The following GABRG3 variants were observed in gnomAD, a reference collection of about 807,000 sequenced individuals.
GABRG3 encodes gamma-aminobutyric acid type A receptor subunit gamma3.
GABRG3 carries 25 observed loss-of-function variants against 48.8 expected under a neutral mutation model. The ratio of observed to expected loss-of-function variants is 0.51; its 90% CI spans 0.37 to 0.72. The LOEUF (loss-of-function observed/expected upper bound fraction) is 0.72. Ranked by LOEUF, GABRG3 falls within the 30% of genes least tolerant of loss-of-function variation. The pLI, the probability that GABRG3 is intolerant of heterozygous loss-of-function variation, is 0.00. For synonymous variants in GABRG3, 227 were observed against 217.6 expected (o/e 1.04, Z -0.38); for missense variants, 394 against 577.9 (o/e 0.68, Z 3.26).
chr15:27,106,022 A>T (rs1203830221), intron 3 of GABRG3, among the ~76,000 whole-genome samples: 4 of 152,132 alleles, frequency 2.6e-5, no homozygotes, highest in Non-Finnish European at 4.4e-5. Context: ...AATAAGCCAG[A>T]TACAGAAAGG....
chr15:27,015,005 T>C (rs1895752325), intron 2 of GABRG3, among the ~76,000 whole-genome samples: 1 of 152,260 alleles, frequency 6.6e-6, no homozygotes, highest in South Asian at 2.1e-4. Context: ...TGGACCCTTT[T>C]ATTACTGAAT....
chr15:27,366,794 G>T (rs538231972), intron 5 of GABRG3, among the ~76,000 whole-genome samples: 3 of 152,106 alleles, frequency 2.0e-5, no homozygotes, highest in Non-Finnish European at 2.9e-5. Flanking sequence ...TTTGCTATGG[G>T]TGATAATAGA....
rs1285145644 is a variant in GABRG3, at chr15:27,533,827, A to ATTTTT, written c.*946_*947insTTTTT. ...CGGAATGTGAAAGACATGTAGATAAAATTTTATTTTTATTTTATTTTTTTG... is the reference window on the plus strand; with the variant it reads ...CGGAATGTGAAAGACATGTAGATAAATTTTTATTTTATTTTTATTTTATTTTTTTG... On this transcript the variant is annotated 3_prime_UTR_variant, in exon 10 of 10. Coordinates refer to ENST00000615808, the MANE Select transcript of GABRG3 (RefSeq NM_033223.5). 5 of 152,014 alleles carry ATTTTT rather than the reference A, an allele frequency of 3.3e-5. No individual in the cohort carries two copies. The highest frequency in any genetic ancestry group is 9.7e-5 in the African/African-American group (4 of 41,388). 9.4% of individuals were successfully genotyped at this position (152,014 alleles called of 1,614,324 possible). A position where few individuals can be genotyped will look rare whatever the true frequency, so the allele number is the denominator to read the frequency against.
chr15:27,006,001 C>A (rs897658388), intron 2 of GABRG3, among the ~76,000 whole-genome samples: 1 of 152,096 alleles, frequency 6.6e-6, no homozygotes, highest in Admixed American at 6.5e-5. Context: ...CAGTTCTAGG[C>A]AAAGCTTTGA....
chr15:27,466,503 G>A (rs1889616259), intron 5 of GABRG3, among the ~76,000 whole-genome samples: 1 of 152,102 alleles, frequency 6.6e-6, no homozygotes, highest in African/African-American at 2.4e-5. Context: ...AATAAATTTG[G>A]AACAGCTTGA....
chr15:27,307,245 T>A (rs979048719), intron 3 of GABRG3, among the ~76,000 whole-genome samples: 5 of 129,474 alleles, frequency 3.9e-5, no homozygotes, highest in Non-Finnish European at 8.1e-5. Flanking sequence ...TATGTTTATA[T>A]ATAACCATGT....
chr15:27,164,586 A>G (rs1406821352), intron 3 of GABRG3, among the ~76,000 whole-genome samples: 1 of 151,916 alleles, frequency 6.6e-6, no homozygotes, highest in East Asian at 1.9e-4. Flanking sequence ...GGCTCTTTTG[A>G]TCTAGATTGG....
At chr15:27,136,778 G>T (rs1229674941) in intron 3 of GABRG3, among the ~76,000 whole-genome samples, 2 of 152,058 alleles carry the variant, frequency 1.3e-5, no homozygotes, top group African/African-American at 2.4e-5. Context: ...AACTCAAGGG[G>T]TAAGTCACAA....
chr15:27,263,849 C>A (rs989354592), intron 3 of GABRG3, among the ~76,000 whole-genome samples: 13 of 151,518 alleles, frequency 8.6e-5, no homozygotes, highest in African/African-American at 2.9e-4. Context: ...TGGCGTGAAC[C>A]TGGGAGGCGG....
chr15:27,237,817 C>A (rs1019449940), intron 3 of GABRG3, among the ~76,000 whole-genome samples: 1 of 152,200 alleles, frequency 6.6e-6, no homozygotes, highest in Non-Finnish European at 1.5e-5. Flanking sequence ...TGGGATGCCA[C>A]GGCCCATTCA....
intron 3 of GABRG3, among the ~76,000 whole-genome samples, chr15:27,264,534 C>T (rs1890860458): frequency 6.6e-6 from 1 of 151,770 alleles, no homozygotes; most frequent in Admixed American, 6.6e-5. Flanking sequence ...CAAACACTAC[C>T]CCTAAAGCTC....
intron 3 of GABRG3, among the ~76,000 whole-genome samples, chr15:27,045,944 G>A (rs1896355469): frequency 6.6e-6 from 1 of 152,202 alleles, no homozygotes; most frequent in South Asian, 2.1e-4. Context: ...CCTGCACATG[G>A]TGATACTAAT....
intron 5 of GABRG3, among the ~76,000 whole-genome samples, chr15:27,470,139 A>G (rs1286864807): frequency 6.6e-6 from 1 of 152,206 alleles, no homozygotes; most frequent in Non-Finnish European, 1.5e-5. Context: ...CCCTTTACTT[A>G]TCAAATTTCA....
In GABRG3 at chr15:27,457,531, C is replaced by T. The variant is rs1031656403; in HGVS notation, c.575-23119C>T. ...TCTGGGCTTTAAATGAAGAGCTTCA[C>T]ACTTGGCAGAGGAGGACCTGCGATT... On this transcript the variant is annotated intron_variant, in intron 5 of 9. Transcript: ENST00000615808. The surrounding 1 kb of genome is among the most constrained non-coding windows in gnomAD (Gnocchi z 4.4). Among the ~76,000 whole-genome samples the T allele has an allele frequency of 3.3e-5, 5 of 152,164 alleles. No individual in the cohort carries two copies. The highest frequency in any genetic ancestry group is 9.7e-5 in the African/African-American group (4 of 41,444).
rs1000265265 is a variant in GABRG3, at chr15:27,457,818, G to A, written c.575-22832G>A. 6.6e-6 allele frequency among the ~76,000 whole-genome samples: 1 copy of A among 152,186 alleles called. No individual in the cohort carries two copies. Among genetic ancestry groups the A allele is most frequent in the Non-Finnish European group, 1.5e-5 (1 of 68,028 alleles). On this transcript the variant is annotated intron_variant, in intron 5 of 9. Coordinates refer to ENST00000615808, the MANE Select transcript of GABRG3 (RefSeq NM_033223.5). This position sits in a 1 kb window ranked among gnomAD's most constrained non-coding sequence, Gnocchi z 4.4. ...TAAAGGACAGAATGTATTTGTCAAA[G>A]CACCTGTGCAGTGACTCCCACTCAG...
chr15:27,072,611 G>A (rs1040129859), intron 3 of GABRG3, among the ~76,000 whole-genome samples: 3 of 152,158 alleles, frequency 2.0e-5, no homozygotes, highest in African/African-American at 4.8e-5. Context: ...GACTTACTGC[G>A]GAAGGAACAG....
chr15:27,117,924 G>A (rs555415037), intron 3 of GABRG3, among the ~76,000 whole-genome samples: 4 of 152,190 alleles, frequency 2.6e-5, no homozygotes, highest in African/African-American at 7.2e-5. Context: ...TAAGTGTAAA[G>A]GGGGTAAGTA....
At chr15:27,016,737 T>G (rs1404011487) in intron 2 of GABRG3, among the ~76,000 whole-genome samples, 1 of 152,170 alleles carries the variant, frequency 6.6e-6, no homozygotes, top group African/African-American at 2.4e-5. Context: ...TATGTTATTC[T>G]GCTCAACACT....
At chr15:27,418,384 G>A (rs944574692) in intron 5 of GABRG3, among the ~76,000 whole-genome samples, 3 of 152,192 alleles carry the variant, frequency 2.0e-5, no homozygotes, top group African/African-American at 7.2e-5. Flanking sequence ...AGCAGGCCTG[G>A]CCACCCAGAC....
Sources: gnomAD v4.1 joint callset for allele counts (sites outside exome capture counted in the v4.1 genomes callset) on GRCh38, gnomAD v4.1.1 for gene constraint, Gnocchi (gnomAD v3.1) non-coding constraint, MANE v1.5 for transcripts, NCBI Gene and HGNC (gene_info 2026-07-23, HGNC 2026-07-21) for gene names.